Variants in STMN1 observed in about 807,000 individuals in gnomAD.
The protein encoded by STMN1 is stathmin.
STMN1 carries 3 observed loss-of-function variants against 19.7 expected under a neutral mutation model. The observed-to-expected ratio is 0.15, with a 90% CI of 0.07 to 0.39. The LOEUF is 0.39. Ranked by LOEUF, STMN1 falls within the 10% of genes least tolerant of loss-of-function variation. STMN1 has a pLI of 1.00. For synonymous variants in STMN1, 59 were observed against 58.9 expected, an observed-to-expected ratio of 1.00 and a Z score of -0.01; for missense variants, 99 against 176.0, an observed-to-expected ratio of 0.56 and a Z score of 2.48.
At chr1:25,888,987 T>G in intron 4 of STMN1, 1 of 481,706 alleles carries the variant, frequency 2.1e-6, no homozygotes, top group Non-Finnish European at 4.2e-6. Context: ...CTCACAAGAC[T>G]TCCTGGTCAA....
intron 3 of STMN1, 116 bp downstream of exon 3, chr1:25,903,525 G>C (rs2048899665): frequency 7.4e-7 from 1 of 1,346,382 alleles, no homozygotes; most frequent in African/African-American, 1.5e-5. Context: ...CCAGTCACTG[G>C]CATATGTAAT....
intron 4 of STMN1, among the ~76,000 whole-genome samples, chr1:25,889,818 T>A (rs1365097870): frequency 6.6e-6 from 1 of 152,156 alleles, no homozygotes. Context: ...CACCTCCTTG[T>A]ATGGGGTCCC....
exon 5 of STMN1, chr1:25,885,799 G>T (rs964154696): frequency 1.9e-6 from 3 of 1,551,724 alleles, no homozygotes; most frequent in Non-Finnish European, 8.7e-7. Flanking sequence ...GGCAGGAACA[G>T]AGTGGAGACA....
At chr1:25,901,322 G>T in intron 4 of STMN1, 169 bp downstream of exon 4, 1 of 1,117,188 alleles carries the variant, frequency 9.0e-7, no homozygotes, top group Non-Finnish European at 1.2e-6. Flanking sequence ...CAATTATGCT[G>T]GGAATTACTG....
chr1:25,884,816 G>A (rs918876894), downstream of STMN1: 9 of 153,472 alleles, frequency 5.9e-5, no homozygotes, highest in East Asian at 1.9e-4. Context: ...CATGGGCTTC[G>A]TAATACAATC....
chr1:25,887,185 G>A, intron 4 of STMN1, among the ~76,000 whole-genome samples: 1 of 152,206 alleles, frequency 6.6e-6, no homozygotes, highest in East Asian at 1.9e-4. Context: ...AATGAAGGTT[G>A]CCAGGCCTTC....
downstream of STMN1, among the ~76,000 whole-genome samples, chr1:25,898,570 A>AG (rs141716512): frequency 0.054 from 8,197 of 152,308 alleles, 707 homozygotes; most frequent in African/African-American, 0.18. Context: ...TGTTAATTTA[A>AG]GGGCCTCCTT....
chr1:25,896,974 G>C (rs182755151), downstream of STMN1, among the ~76,000 whole-genome samples: 9 of 152,292 alleles, frequency 5.9e-5, no homozygotes, highest in East Asian at 1.5e-3. Flanking sequence ...GGAACTTCTA[G>C]GGCATCTAAG....
intron 4 of STMN1, among the ~76,000 whole-genome samples, chr1:25,887,968 A>G (rs1410844338): frequency 1.3e-5 from 2 of 152,186 alleles, no homozygotes; most frequent in Non-Finnish European, 2.9e-5. Context: ...TACAGGCGTG[A>G]GCCACCGTGC....
intron 3 of STMN1, 80 bp from the exon 4 acceptor site, chr1:25,901,762 CA>C: frequency 7.0e-7 from 1 of 1,428,744 alleles, no homozygotes; most frequent in Non-Finnish European, 9.3e-7. Context: ...GTAATCCCAG[CA>C]CTTTGGGAGG....
intron 1 of STMN1, 52 bp from the exon 2 acceptor site, chr1:25,904,790 T>A: frequency 2.1e-6 from 3 of 1,438,060 alleles, no homozygotes; most frequent in Non-Finnish European, 2.8e-6. Context: ...TTTCTATATG[T>A]CATCAACCCA....
chr1:25,901,223 C>T, intron 4 of STMN1, 136 bp from the exon 5 acceptor site: 2 of 1,452,196 alleles, frequency 1.4e-6, no homozygotes, highest in Non-Finnish European at 1.8e-6. Flanking sequence ...GTGGGAACCA[C>T]ACAATTTAAG....
At chr1:25,901,178 G>A in intron 4 of STMN1, 91 bp from the exon 5 acceptor site, 2 of 1,553,012 alleles carry the variant, frequency 1.3e-6, no homozygotes, top group South Asian at 2.4e-5. Context: ...ACCTCAAAGA[G>A]GCCCAACACA....
Position 25,906,408 on chromosome 1 carries a change from T to A in STMN1, c.-82A>T, listed in dbSNP as rs1417806691. On this transcript the variant is annotated 5_prime_UTR_variant, in exon 1 of 5. Transcript: ENST00000455785. The surrounding 1 kb of genome is among the most constrained non-coding windows in gnomAD (Gnocchi z 4.5). Reference sequence around the variant, plus strand: ...ACCCACCTGCTCAGTCCGAGCCGCCTGACCACACTCTGAGCACCAACAGAC... The same window carrying A: ...ACCCACCTGCTCAGTCCGAGCCGCCAGACCACACTCTGAGCACCAACAGAC... The A allele has an allele frequency of 6.5e-6, 1 of 154,200 alleles. No homozygotes were observed. Among genetic ancestry groups the A allele is most frequent in the Non-Finnish European group, 1.5e-5 (1 of 68,234 alleles). The allele number at this position is 154,200 out of a possible 1,614,324, so 9.6% of individuals were successfully genotyped here. A position where few individuals can be genotyped will look rare whatever the true frequency, so the allele number is the denominator to read the frequency against.
downstream of STMN1, among the ~76,000 whole-genome samples, chr1:25,898,086 GGTTTT>G (rs2048835314): frequency 6.6e-6 from 1 of 152,100 alleles, no homozygotes; most frequent in Non-Finnish European, 1.5e-5. Flanking sequence ...TCCTTAAAAT[GGTTTT>G]GTTACTGACC....
chr1:25,893,799 C>T (rs891495688), intron 4 of STMN1, among the ~76,000 whole-genome samples: 1 of 152,172 alleles, frequency 6.6e-6, no homozygotes, highest in Non-Finnish European at 1.5e-5. Context: ...CCTTGGCCTC[C>T]CAAAGTGCTG....
chr1:25,885,839 G>T (rs2048716545), exon 5 of STMN1: 5 of 1,550,354 alleles, frequency 3.2e-6, no homozygotes, highest in Admixed American at 2.0e-5. Flanking sequence ...TGTGCTGGGT[G>T]GGCCCCAGGC....
chr1:25,899,550 A>AAGG (rs1352873571), downstream of STMN1, among the ~76,000 whole-genome samples: 4 of 152,246 alleles, frequency 2.6e-5, no homozygotes, highest in Admixed American at 1.3e-4. Flanking sequence ...TCATTTAAGT[A>AAGG]AATTTAAAAG....
At chr1:25,897,840 T>C (rs2048832856), downstream of STMN1, among the ~76,000 whole-genome samples, 1 of 152,324 alleles carries the variant, frequency 6.6e-6, no homozygotes, top group South Asian at 2.1e-4. Flanking sequence ...GGACGTTAAG[T>C]GCTCAGTAAA....
Sources: allele counts gnomAD v4.1 joint callset (sites outside exome capture counted in the v4.1 genomes callset), GRCh38; gene constraint gnomAD v4.1.1; non-coding constraint Gnocchi (gnomAD v3.1); transcripts MANE v1.5; gene names NCBI Gene and HGNC (gene_info 2026-07-23, HGNC 2026-07-21).